ANKH: variants seen among roughly 807,000 people sequenced by gnomAD.
ANKH encodes the protein mineralization regulator ANKH.
Under a neutral mutation model 49.0 loss-of-function variants are expected in ANKH, and 15 were observed. The ratio of observed to expected loss-of-function variants is 0.31; its 90% confidence interval spans 0.20 to 0.47. The LOEUF (loss-of-function observed/expected upper bound fraction) is 0.47. Ranked by LOEUF, ANKH falls within the 20% of genes least tolerant of loss-of-function variation. ANKH has a pLI of 1.00. For missense variants in ANKH, 429 were observed against 652.0 expected, an observed-to-expected ratio of 0.66 and a Z score of 3.72; for synonymous variants, 273 against 260.0, an observed-to-expected ratio of 1.05 and a Z score of -0.48.
chr5:14,783,979 G>A (rs6865910), intron 1 of ANKH, among the ~76,000 whole-genome samples: 1,695 of 152,344 alleles, frequency 0.011, 31 homozygotes, highest in African/African-American at 0.039. Flanking sequence ...AGGGGACCAA[G>A]GAGACCCAGT....
chr5:14,831,910 T>A (rs1200872681), intron 1 of ANKH, among the ~76,000 whole-genome samples: 1 of 152,166 alleles, frequency 6.6e-6, no homozygotes, highest in East Asian at 1.9e-4. Flanking sequence ...GGAAGATGAA[T>A]GAACTTTCAG....
In ANKH at chr5:14,769,150, G is replaced by A. The variant is rs760311904; in HGVS notation, c.138C>T (p.Val46=). 1.2e-6 allele frequency: 2 copies of A among 1,614,022 alleles called. No homozygotes were observed. Among genetic ancestry groups the A allele is most frequent in the African/African-American group, 1.3e-5 (1 of 74,998 alleles). ...RGIAAVKEDA[V]EMLASYGLAY... ...CCAGCCCGTAGCTGGCCAGCATCTC[G>A]ACTGCATCCTCCTTGACAGCAGCAA... The change falls in exon 2 of 12, where the codon GTC becomes GTT. Residue 46 remains valine, a synonymous_variant. Coordinates refer to ENST00000284268, the MANE Select transcript of ANKH (RefSeq NM_054027.6).
At chr5:14,742,928 T>C (rs1738410426) in intron 7 of ANKH, among the ~76,000 whole-genome samples, 1 of 152,172 alleles carries the variant, frequency 6.6e-6, no homozygotes, top group Admixed American at 6.5e-5. Context: ...AAAATAACCC[T>C]GACCTCATTA....
intron 4 of ANKH, among the ~76,000 whole-genome samples, chr5:14,751,846 A>C (rs1738730459): frequency 6.6e-6 from 1 of 152,178 alleles, no homozygotes; most frequent in African/African-American, 2.4e-5. Context: ...TTTGCATGGA[A>C]TCTATTTACT....
chr5:14,730,995 C>T (rs1023525997), intron 8 of ANKH, among the ~76,000 whole-genome samples: 5 of 152,220 alleles, frequency 3.3e-5, no homozygotes, highest in Non-Finnish European at 7.3e-5. Flanking sequence ...TGCCAAGAAG[C>T]CCGACGGGGC....
intron 7 of ANKH, among the ~76,000 whole-genome samples, chr5:14,744,799 G>A (rs932300047): frequency 1.3e-5 from 2 of 152,224 alleles, no homozygotes; most frequent in Admixed American, 6.5e-5. Flanking sequence ...ACCCACAAAC[G>A]GTCTCAGGGG....
In ANKH at chr5:14,819,910, C is replaced by T. The variant is rs962409908; in HGVS notation, c.97-50719G>A. 3.0e-4 allele frequency among the ~76,000 whole-genome samples: 33 copies of T among 110,032 alleles called. 1 individual carries two copies. Among genetic ancestry groups the T allele is most frequent in the South Asian group, 2.0e-3 (5 of 2,444 alleles). The allele number at this position is 110,032 out of a possible 152,430, so 72.2% of individuals were successfully genotyped here. A position where few individuals can be genotyped will look rare whatever the true frequency, so the allele number is the denominator to read the frequency against. On this transcript the variant is annotated intron_variant, in intron 1 of 11. Coordinates refer to ENST00000284268, the MANE Select transcript of ANKH (RefSeq NM_054027.6). Reference sequence around the variant, plus strand: ...ACAACAACAAAAATATACACACACACACACACACACACACACACACACACA... The same window carrying T: ...ACAACAACAAAAATATACACACACATACACACACACACACACACACACACA...
chr5:14,743,536 T>C (rs1218279063), intron 7 of ANKH, among the ~76,000 whole-genome samples: 2 of 152,248 alleles, frequency 1.3e-5, no homozygotes, highest in Non-Finnish European at 2.9e-5. Context: ...TCTGCACTAG[T>C]GGAAACCTTT....
At chr5:14,720,606 T>C (rs1311394506) in intron 8 of ANKH, among the ~76,000 whole-genome samples, 1 of 152,210 alleles carries the variant, frequency 6.6e-6, no homozygotes, top group Non-Finnish European at 1.5e-5. Context: ...CTGTAAAGAA[T>C]TGAGCTAAGG....
chr5:14,771,310 A>G lies in ANKH; in HGVS notation c.97-2119T>C, dbSNP rs560917162. On this transcript the variant is annotated intron_variant, in intron 1 of 11. Coordinates refer to ENST00000284268, the MANE Select transcript of ANKH (RefSeq NM_054027.6). ...TGTATGGCAGACACATCTGATAGCA[A>G]TAACTTCAGCATACCCTGAGAATGA... Among the ~76,000 whole-genome samples the G allele has an allele frequency of 2.6e-5, 4 of 152,358 alleles. No homozygotes were observed. In the East Asian group the frequency reaches 5.8e-4, roughly 22 times the overall value.
intron 9 of ANKH, among the ~76,000 whole-genome samples, chr5:14,715,847 TATA>T (rs1737431950): frequency 6.6e-6 from 1 of 152,238 alleles, no homozygotes; most frequent in African/African-American, 2.4e-5. Flanking sequence ...ATTGGCTTGG[TATA>T]ATAACTTTCC....
rs1188887631 is a variant in ANKH at position 14,819,898 on chromosome 5, T to TACAC, written c.97-50708_97-50707insGTGT. Among the ~76,000 whole-genome samples the TACAC allele has an allele frequency of 1.8e-3, 158 of 87,134 alleles. 1 individual carries two copies. Among genetic ancestry groups the TACAC allele is most frequent in the African/African-American group, 6.7e-3 (141 of 21,044 alleles). 57.2% of individuals were successfully genotyped at this position (87,134 alleles called of 152,430 possible). A position where few individuals can be genotyped will look rare whatever the true frequency, so the allele number is the denominator to read the frequency against. ...ACAACAACAACAACAACAACAAAAA[T>TACAC]ATACACACACACACACACACACACA... On this transcript the variant is annotated intron_variant, in intron 1 of 11. Transcript: ENST00000284268.
chr5:14,868,594 G>C (rs1446138397), intron 1 of ANKH: 3 of 151,616 alleles, frequency 2.0e-5, no homozygotes, highest in Non-Finnish European at 4.4e-5. Context: ...TTTTTTAGTA[G>C]AGATAGAATT....
At chr5:14,798,201 A>C (rs1481691761) in intron 1 of ANKH, 5 of 1,590,232 alleles carry the variant, frequency 3.1e-6, no homozygotes, top group Non-Finnish European at 4.3e-6. Flanking sequence ...TGTCCCCAGG[A>C]CAAGTCGATG....
At chr5:14,857,693 A>G (rs1735322462) in intron 1 of ANKH, among the ~76,000 whole-genome samples, 1 of 152,200 alleles carries the variant, frequency 6.6e-6, no homozygotes, top group Admixed American at 6.5e-5. Flanking sequence ...TAGATCTCTC[A>G]GCATTAAACA....
intron 1 of ANKH, among the ~76,000 whole-genome samples, chr5:14,818,643 TCAAA>T (rs1741111266): frequency 2.7e-5 from 1 of 37,732 alleles, no homozygotes; most frequent in Admixed American, 4.1e-4. Context: ...AAACTCCATC[TCAAA>T]AAAAAAAAAA....
At chr5:14,841,439 G>C (rs1282126107) in intron 1 of ANKH, among the ~76,000 whole-genome samples, 5 of 152,032 alleles carry the variant, frequency 3.3e-5, no homozygotes, top group Admixed American at 1.3e-4. Flanking sequence ...TGGGATTACA[G>C]GCATGTGCCC....
chr5:14,857,960 C>T (rs1407772001), intron 1 of ANKH, among the ~76,000 whole-genome samples: 1 of 152,026 alleles, frequency 6.6e-6, no homozygotes, highest in South Asian at 2.1e-4. Context: ...TAATATTAAT[C>T]CAAAGAAATA....
chr5:14,807,132 T>TTTTG (rs1740732317), intron 1 of ANKH, among the ~76,000 whole-genome samples: 1 of 141,600 alleles, frequency 7.1e-6, no homozygotes, highest in African/African-American at 2.6e-5. Context: ...TTTTTTTTTT[T>TTTTG]GAGGTAGGGC....
Sources: allele counts gnomAD v4.1 joint callset (sites outside exome capture counted in the v4.1 genomes callset), GRCh38; gene constraint gnomAD v4.1.1; transcripts MANE v1.5; gene names NCBI Gene and HGNC (gene_info 2026-07-23, HGNC 2026-07-21).